The following PVT1 variants were observed in gnomAD, a reference collection of about 807,000 sequenced individuals.
PVT1 encodes Pvt1 oncogene.
At chr8:128,046,948 T>A (rs564456555) in intron 4 of PVT1, among the ~76,000 whole-genome samples, 1 of 152,332 alleles carries the variant, frequency 6.6e-6, no homozygotes, top group South Asian at 2.1e-4. Flanking sequence ...CTGCTCTGCC[T>A]TCACGGTCCC....
At chr8:128,043,581 C>T (rs911030986) in intron 4 of PVT1, among the ~76,000 whole-genome samples, 12 of 152,150 alleles carry the variant, frequency 7.9e-5, no homozygotes, top group Non-Finnish European at 1.6e-4. Context: ...GGATTGATCC[C>T]TGTGTCCTCC....
intron 2 of PVT1, among the ~76,000 whole-genome samples, chr8:127,849,652 G>C (rs556281798): frequency 6.6e-6 from 1 of 151,484 alleles, no homozygotes; most frequent in African/African-American, 2.4e-5. Context: ...ATGTGTGTGT[G>C]TGCCCCTGCG....
intron 2 of PVT1, among the ~76,000 whole-genome samples, chr8:127,877,095 G>A (rs573754662): frequency 2.0e-5 from 3 of 152,330 alleles, no homozygotes; most frequent in South Asian, 2.1e-4. Flanking sequence ...GCAGAGTGGC[G>A]TGGTGGAAAG....
intron 3 of PVT1, among the ~76,000 whole-genome samples, chr8:127,900,105 A>G (rs1482146667): frequency 6.6e-6 from 1 of 152,038 alleles, no homozygotes; most frequent in African/African-American, 2.4e-5. Context: ...GCAGTGGTGC[A>G]ATCTCAGCTC....
intron 4 of PVT1, among the ~76,000 whole-genome samples, chr8:128,026,520 C>T (rs4474000): frequency 0.13 from 19,411 of 151,972 alleles, 2,634 homozygotes; most frequent in African/African-American, 0.35. Context: ...AGCCCCACGT[C>T]GAGCAGTGGG....
chr8:128,017,719 G>A (rs1264700048), intron 4 of PVT1, among the ~76,000 whole-genome samples: 1 of 152,036 alleles, frequency 6.6e-6, no homozygotes, highest in Non-Finnish European at 1.5e-5. Flanking sequence ...TTATAGGCGT[G>A]AGCCATCATG....
At chr8:128,001,368 TG>T (rs369230078) in intron 4 of PVT1, among the ~76,000 whole-genome samples, 174 of 151,606 alleles carry the variant, frequency 1.1e-3, no homozygotes, top group African/African-American at 3.9e-3. Context: ...GAAACAACCT[TG>T]TCAAAATAAA....
At chr8:128,063,914 C>T (rs548445808) in intron 4 of PVT1, among the ~76,000 whole-genome samples, 1 of 152,188 alleles carries the variant, frequency 6.6e-6, no homozygotes, top group African/African-American at 2.4e-5. Context: ...TTTAGTAATT[C>T]CATAATGTAT....
chr8:127,795,541 G>C (rs1814385759), intron 1 of PVT1, among the ~76,000 whole-genome samples: 1 of 152,164 alleles, frequency 6.6e-6, no homozygotes, highest in South Asian at 2.1e-4. Flanking sequence ...ATGAGGTTTT[G>C]GTGTTTCCTT....
At chr8:127,975,171 A>G (rs112671894) in intron 3 of PVT1, among the ~76,000 whole-genome samples, 1,598 of 152,288 alleles carry the variant, frequency 0.01, 30 homozygotes, top group African/African-American at 0.037. Context: ...TCTTTTGGAC[A>G]GATTCTCAGC....
chr8:127,919,595 G>A (rs1432419980), intron 3 of PVT1, among the ~76,000 whole-genome samples: 1 of 152,218 alleles, frequency 6.6e-6, no homozygotes, highest in Non-Finnish European at 1.5e-5. Context: ...GGCGACTGTG[G>A]CATAGGGTGG....
At chr8:127,937,576 CACACAGAG>C (rs1816292385) in intron 3 of PVT1, among the ~76,000 whole-genome samples, 1 of 122,474 alleles carries the variant, frequency 8.2e-6, no homozygotes, top group African/African-American at 3.2e-5. Flanking sequence ...CACACACACA[CACACAGAG>C]AGAGAGAGAG....
chr8:128,020,971 C>T lies in PVT1; in HGVS notation n.912+31680C>T, dbSNP rs143978841. Among the ~76,000 whole-genome samples the T allele has an allele frequency of 7.9e-5, 12 of 152,286 alleles. No homozygotes were observed. The East Asian group carries it at 2.1e-3, about 27-fold the overall frequency. On this transcript the variant is annotated intron_variant and non_coding_transcript_variant, in intron 4 of 10. Transcript: ENST00000651587. ...CTTCCAAACACTTCATCTCCCCCAC[C>T]TGCCTATAGTCACCGCTTGGTGGAT...
intron 2 of PVT1, among the ~76,000 whole-genome samples, chr8:127,807,130 C>A (rs924076016): frequency 6.6e-6 from 1 of 152,118 alleles, no homozygotes; most frequent in African/African-American, 2.4e-5. Context: ...TGTGCAGCCC[C>A]GTTCCTAGGT....
At chr8:127,975,921 G>T (rs1563654918) in intron 3 of PVT1, among the ~76,000 whole-genome samples, 1 of 152,164 alleles carries the variant, frequency 6.6e-6, no homozygotes, top group Non-Finnish European at 1.5e-5. Flanking sequence ...TGTGGAGCTG[G>T]AGGCTTCTCT....
At chr8:128,009,030 ATAC>A (rs879238981) in intron 4 of PVT1, 29 of 445,564 alleles carry the variant, frequency 6.5e-5, no homozygotes, top group South Asian at 4.6e-4. Flanking sequence ...ACTAACATTA[ATAC>A]CTATCACTGT....
intron 2 of PVT1, among the ~76,000 whole-genome samples, chr8:127,828,853 CG>C (rs1257982634): frequency 5.9e-5 from 9 of 152,084 alleles, no homozygotes; most frequent in Non-Finnish European, 1.3e-4. Context: ...GCCAGATGCT[CG>C]TTCCAAGTTC....
intron 3 of PVT1, among the ~76,000 whole-genome samples, chr8:127,972,477 C>G (rs888440466): frequency 2.6e-5 from 4 of 152,170 alleles, no homozygotes; most frequent in Non-Finnish European, 5.9e-5. Flanking sequence ...GTGGAATCAG[C>G]TTTAAAAATA....
chr8:127,992,243 A>G (rs879624147), intron 4 of PVT1, among the ~76,000 whole-genome samples: 6 of 152,266 alleles, frequency 3.9e-5, no homozygotes, highest in Admixed American at 3.9e-4. Context: ...AAGATTAGCC[A>G]GGCATGGTGG....
Sources: gnomAD v4.1 joint callset for allele counts (sites outside exome capture counted in the v4.1 genomes callset) on GRCh38, gnomAD v4.1.1 for gene constraint, MANE v1.5 for transcripts, NCBI Gene and HGNC (gene_info 2026-07-23, HGNC 2026-07-21) for gene names.